NUP133: variants seen among roughly 807,000 people sequenced by gnomAD.
NUP133 encodes the protein nucleoporin 133.
In NUP133, 66 loss-of-function variants were observed where a neutral mutation model predicts 146.2. The observed-to-expected ratio is 0.45, with a 90% CI of 0.37 to 0.55. The LOEUF is 0.55. Ranked by LOEUF, NUP133 falls within the 20% of genes least tolerant of loss-of-function variation. NUP133 has a pLI of 0.00. For synonymous variants in NUP133, 521 were observed against 498.8 expected, an observed-to-expected ratio of 1.04 and a Z score of -0.59; for missense variants, 1,277 against 1,374.8, an observed-to-expected ratio of 0.93 and a Z score of 1.12.
intron 3 of NUP133, 110 bp downstream of exon 3, chr1:229,501,889 A>G: frequency 1.4e-6 from 1 of 725,640 alleles, no homozygotes; most frequent in Non-Finnish European, 2.4e-6. Flanking sequence ...TTAATGCCTA[A>G]GTAGTTTCCT....
At chr1:229,457,222 G>A (rs542079918) in intron 21 of NUP133, among the ~76,000 whole-genome samples, 2 of 152,188 alleles carry the variant, frequency 1.3e-5, no homozygotes, top group African/African-American at 4.8e-5. Context: ...TGATCACAGG[G>A]TAATTAGCAT....
At chr1:229,503,677 T>C (rs1013076185) in intron 2 of NUP133, among the ~76,000 whole-genome samples, 15 of 152,228 alleles carry the variant, frequency 9.9e-5, no homozygotes, top group African/African-American at 3.6e-4. Context: ...GTGAGGCTTT[T>C]TGCTCAACTG....
At chr1:229,445,452 G>A (rs979601174) in intron 24 of NUP133, among the ~76,000 whole-genome samples, 2 of 152,098 alleles carry the variant, frequency 1.3e-5, no homozygotes, top group African/African-American at 4.8e-5. Flanking sequence ...GAGTAGCTAG[G>A]ACCATAGGCA....
intron 19 of NUP133, among the ~76,000 whole-genome samples, chr1:229,462,397 G>A (rs1245316230): frequency 6.6e-6 from 1 of 152,082 alleles, no homozygotes; most frequent in Non-Finnish European, 1.5e-5. Flanking sequence ...TCTGGGTGGT[G>A]GCATTTTGAG....
At chr1:229,450,413 C>G in intron 23 of NUP133, 112 bp downstream of exon 23, 1 of 542,828 alleles carries the variant, frequency 1.8e-6, no homozygotes, top group Non-Finnish European at 3.3e-6. Flanking sequence ...AGTTGAACCA[C>G]AGATACAGTC....
Position 229,459,859 on chromosome 1 carries a change from C to G in NUP133, c.2844+752G>C, listed in dbSNP as rs1660652383. ...TACCTTTTCAACATACTGACTTCAA[C>G]TCCTCTGGATATATACTCACAAGCG... On this transcript the variant is annotated intron_variant, in intron 20 of 25. Transcript: ENST00000261396. 2.0e-5 allele frequency among the ~76,000 whole-genome samples: 3 copies of G among 152,174 alleles called. No homozygotes were observed. In the South Asian group the frequency reaches 6.2e-4, roughly 31 times the overall value.
chr1:229,472,728 G>A (rs61385982), intron 14 of NUP133, among the ~76,000 whole-genome samples: 2,662 of 111,402 alleles, frequency 0.024, 86 homozygotes, highest in African/African-American at 0.073. Context: ...ATATATATAT[G>A]TACAATCATT....
At chr1:229,485,632 A>C (rs73095994) in intron 11 of NUP133, among the ~76,000 whole-genome samples, 2,028 of 152,324 alleles carry the variant, frequency 0.013, 60 homozygotes, top group African/African-American at 0.045. Flanking sequence ...AAGGTAACCC[A>C]AAACCTCATT....
At chr1:229,453,068 C>T (rs76020799) in intron 21 of NUP133, among the ~76,000 whole-genome samples, 251 of 152,018 alleles carry the variant, frequency 1.7e-3, no homozygotes, top group Non-Finnish European at 2.6e-3. Context: ...GGGGATGGGC[C>T]ACTAAGCTCC....
In NUP133 at chr1:229,498,296, A is replaced by C. The variant is rs1661705868; in HGVS notation, c.659T>G (p.Phe220Cys). 6.3e-7 allele frequency: 1 copy of C among 1,579,820 alleles called. No homozygotes were observed. ...SFLTAVQGGS[F>C]ILSSSGSQLI... ...TTGGCTTCCTGATGAAGACAAAATA[A>C]AACTTCCTCCCTGTGAAAAAACATT... Residue 220 changes from phenylalanine (F) to cysteine (C), a missense_variant, in exon 6 of 26, where the codon TTT (phenylalanine) becomes TGT (cysteine). This residue lies in a region of NUP133 where 319 missense variants were observed against 306.9 expected (regional missense o/e 1.04). Transcript: ENST00000261396.
intron 25 of NUP133, among the ~76,000 whole-genome samples, chr1:229,442,542 T>C (rs1660206879): frequency 6.6e-6 from 1 of 152,160 alleles, no homozygotes; most frequent in Non-Finnish European, 1.5e-5. Flanking sequence ...TCTGTGTAGT[T>C]ACAAACAAAC....
intron 21 of NUP133, among the ~76,000 whole-genome samples, chr1:229,456,131 A>G (rs1302398539): frequency 6.6e-6 from 1 of 152,248 alleles, no homozygotes; most frequent in Non-Finnish European, 1.5e-5. Flanking sequence ...CATTTTGGCA[A>G]GAACAGGACA....
At chr1:229,448,854 C>A in intron 24 of NUP133, 1 of 453,952 alleles carries the variant, frequency 2.2e-6, no homozygotes, top group East Asian at 4.4e-5. Flanking sequence ...CGGTGAGGAA[C>A]ACAGGCAAAA....
intron 17 of NUP133, among the ~76,000 whole-genome samples, 156 bp downstream of exon 17, chr1:229,465,264 G>A (rs1482713894): frequency 6.6e-6 from 1 of 152,112 alleles, no homozygotes; most frequent in African/African-American, 2.4e-5. Context: ...TAAGAGCAAG[G>A]GACGAATAAA....
chr1:229,451,502 G>C (rs946570913), intron 22 of NUP133, among the ~76,000 whole-genome samples: 2 of 152,192 alleles, frequency 1.3e-5, no homozygotes, highest in African/African-American at 4.8e-5. Flanking sequence ...TCCCTGGTTA[G>C]ATTACAGCTG....
Position 229,487,602 on chromosome 1 carries a change from C to T in NUP133, c.1206G>A (p.Leu402=), listed in dbSNP as rs1661393468. ...QYNPPFQSED[L]ILCQLTVPNF... Reference sequence around the variant, plus strand: ...TTGGGACCGTCAACTGACACAAAATCAGGTCTTCAGACTGAAAGTTAAATT... The same window carrying T: ...TTGGGACCGTCAACTGACACAAAATTAGGTCTTCAGACTGAAAGTTAAATT... The change falls in exon 10 of 26, where the codon CTG becomes CTA. Residue 402 remains leucine (L), a synonymous_variant. Transcript: ENST00000261396. The T allele has an allele frequency of 1.2e-6, 2 of 1,603,414 alleles. No individual in the cohort carries two copies. The highest frequency in any genetic ancestry group is 2.2e-5 in the East Asian group (1 of 44,714).
In NUP133 at chr1:229,472,707, C is replaced by CATATATATATATATATATAT. The variant is rs372362492; in HGVS notation, c.1852-1923_1852-1904dup. Among the ~76,000 whole-genome samples the CATATATATATATATATATAT allele has an allele frequency of 1.9e-3, 231 of 124,262 alleles. 8 individuals are homozygous for CATATATATATATATATATAT. The highest frequency in any genetic ancestry group is 2.1e-3 in the African/African-American group (66 of 31,970). The allele number at this position is 124,262 out of a possible 152,430, so 81.5% of individuals were successfully genotyped here. A position where few individuals can be genotyped will look rare whatever the true frequency, so the allele number is the denominator to read the frequency against. ...CAAAAAAATTAAAAAACTAAATATA[C>CATATATATATATATATATAT]ATATATATATATATATATATGTACA... On this transcript the variant is annotated intron_variant, in intron 14 of 25. Transcript: ENST00000261396.
intron 23 of NUP133, 44 bp downstream of exon 23, chr1:229,450,481 T>A (rs1213464229): frequency 4.1e-6 from 4 of 982,622 alleles, no homozygotes; most frequent in Non-Finnish European, 6.2e-6. Flanking sequence ...TCTTTTTATA[T>A]ATGTATTCAG....
rs1661502895 is a variant in NUP133, at chr1:229,491,101, G to A, written c.1047-999C>T. ...GGGATTGGCAAAGTACAGCCCTCCA[G>A]TGAAACTGATCTCAAACCAGTTTTT... On this transcript the variant is annotated intron_variant, in intron 8 of 25. Transcript: ENST00000261396. Among the ~76,000 whole-genome samples the A allele has an allele frequency of 2.0e-5, 3 of 152,128 alleles. 1 individual carries two copies. Among genetic ancestry groups the A allele is most frequent in the African/African-American group, 2.4e-5 (1 of 41,436 alleles).
Sources: gnomAD v4.1 joint callset for allele counts (sites outside exome capture counted in the v4.1 genomes callset) on GRCh38, gnomAD v4.1.1 for gene constraint, gnomAD v4.1.1 regional missense constraint, MANE v1.5 for transcripts, NCBI Gene and HGNC (gene_info 2026-07-23, HGNC 2026-07-21) for gene names.